Variants in DOC2A observed in about 807,000 individuals in gnomAD.
The protein encoded by DOC2A is double C2-like domain-containing protein alpha.
Under a neutral mutation model 40.6 loss-of-function variants are expected in DOC2A, and 28 were observed. That is an observed-to-expected ratio of 0.69 (90% CI 0.51 to 0.95). The LOEUF is 0.95. Among genes scored for constraint, DOC2A ranks in the 40% least tolerant of loss-of-function variants. The probability of loss-of-function intolerance (pLI) is 0.00; values close to 1 mark genes in which losing one functional copy is unlikely to be tolerated. For synonymous variants in DOC2A, 241 were observed against 236.9 expected (o/e 1.02, Z -0.16); for missense variants, 474 against 552.5 (o/e 0.86, Z 1.42).
At chr16:30,012,640 A>T (rs1314443009), upstream of DOC2A, 1 of 147,018 alleles carries the variant, frequency 6.8e-6, no homozygotes, top group Admixed American at 6.9e-5. Flanking sequence ...GGATCGCTTG[A>T]GTGAAGCCAG....
At chr16:30,018,162 C>T (rs769422205) in intron 1 of DOC2A, among the ~76,000 whole-genome samples, 19 of 147,968 alleles carry the variant, frequency 1.3e-4, no homozygotes, top group Non-Finnish European at 2.5e-4. Context: ...ATGATGCAGT[C>T]CCAGCTACTT....
intron 1 of DOC2A, among the ~76,000 whole-genome samples, chr16:30,017,471 A>G (rs1362017942): frequency 6.6e-6 from 1 of 152,206 alleles, no homozygotes; most frequent in African/African-American, 2.4e-5. Flanking sequence ...ATAAAAAAGA[A>G]TGAAATTATA....
Position 30,006,874 on chromosome 16 carries a change from C to A in DOC2A, c.789G>T (p.Ser263=). The A allele has an allele frequency of 1.2e-6, 2 of 1,613,526 alleles. No homozygotes were observed. Among genetic ancestry groups the A allele is most frequent in the African/African-American group, 1.3e-5 (1 of 75,018 alleles). Residue 263 remains serine (S), a synonymous_variant, in exon 8 of 11, where the codon TCG becomes TCT. Coordinates refer to ENST00000350119, the MANE Select transcript of DOC2A (RefSeq NM_003586.3). The surrounding 1 kb of genome is among the most constrained non-coding windows in gnomAD (Gnocchi z 6.2). ...GRILLSLSYS[S]RRRGLLVGIL... is the part of the protein sequence containing the mutation. The stretch of plus-strand genomic sequence containing the variant: ...TGCCTACCAGCAGTCCCCGGCGCCG[C>A]GAGCTGTAGCTGAGACTCAGCAGGA...
upstream of DOC2A, chr16:30,011,462 G>T (rs1596709562): frequency 8.3e-6 from 8 of 969,146 alleles, no homozygotes; most frequent in South Asian, 4.8e-5. Context: ...GCCCGCGCGC[G>T]CGGCCACGGC....
chr16:30,011,435 C>T, upstream of DOC2A: 1 of 984,992 alleles, frequency 1.0e-6, no homozygotes, highest in Non-Finnish European at 1.2e-6. Context: ...TCCTGGGAGA[C>T]CTGGCCCCCC....
upstream of DOC2A, chr16:30,011,456 G>A: frequency 1.0e-6 from 1 of 969,704 alleles, no homozygotes; most frequent in Non-Finnish European, 1.2e-6. Flanking sequence ...GCCCCCGCCC[G>A]CGCGCGCGGC....
At chr16:30,011,990 C>G (rs913230790), upstream of DOC2A, among the ~76,000 whole-genome samples, 1 of 152,100 alleles carries the variant, frequency 6.6e-6, no homozygotes, top group African/African-American at 2.4e-5. Flanking sequence ...CCCCAAGCCG[C>G]CCCCCTGCCC....
Position 30,006,683 on chromosome 16 carries a change from G to A in DOC2A, c.879-6C>T, listed in dbSNP as rs1369479625. On this transcript the variant is annotated splice_region_variant and splice_polypyrimidine_tract_variant and intron_variant, in intron 8 of 10. Transcript: ENST00000350119. This position sits in a 1 kb window ranked among gnomAD's most constrained non-coding sequence, Gnocchi z 6.2. ...CCACATCGGGCCTCAGGTACCTGGG[G>A]GTGGGGTGGAGGGAGACGAACTGAG... The A allele has an allele frequency of 6.2e-7, 1 of 1,613,788 alleles. No individual in the cohort carries two copies. Among genetic ancestry groups the A allele is most frequent in the South Asian group, 1.1e-5 (1 of 91,064 alleles).
At chr16:30,020,948 G>T (rs2070901907) in intron 1 of DOC2A, among the ~76,000 whole-genome samples, 1 of 152,016 alleles carries the variant, frequency 6.6e-6, no homozygotes, top group Admixed American at 6.6e-5. Flanking sequence ...CTTGAGCCCA[G>T]GAGGTCGAGG....
At chr16:30,011,037 G>A (rs1432546701), upstream of DOC2A, 8 of 986,042 alleles carry the variant, frequency 8.1e-6, no homozygotes, top group Admixed American at 6.2e-5. Context: ...CGGGGAGGAG[G>A]GGGTGAGCGA....
chr16:30,009,599 G>GGTGT lies in DOC2A; in HGVS notation c.263-46_263-43dup. On this transcript the variant is annotated intron_variant, in intron 2 of 10. Transcript: ENST00000350119. The surrounding 1 kb of genome is among the most constrained non-coding windows in gnomAD (Gnocchi z 4.1). ...GGCAGCATGGGTCGGTATGGAGACA[G>GGTGT]GTGTGTGCGAGAGGCCAGCAGGTGG... 1 of 1,523,372 alleles carries GGTGT rather than the reference G, an allele frequency of 6.6e-7. No homozygotes were observed. Among genetic ancestry groups the GGTGT allele is most frequent in the Non-Finnish European group, 8.9e-7 (1 of 1,124,630 alleles). The allele number at this position is 1,523,372 out of a possible 1,614,324, so 94.4% of individuals were successfully genotyped here. A position where few individuals can be genotyped will look rare whatever the true frequency, so the allele number is the denominator to read the frequency against.
upstream of DOC2A, chr16:30,011,092 G>C: frequency 1.1e-6 from 1 of 904,298 alleles, no homozygotes; most frequent in Non-Finnish European, 1.3e-6. Context: ...GGGACGGGGA[G>C]GGGCGCTGGG....
In DOC2A at chr16:30,010,209, C is replaced by T. The variant is rs764874832; in HGVS notation, c.14G>A (p.Arg5Lys). 6.2e-7 allele frequency: 1 copy of T among 1,613,794 alleles called. No individual in the cohort carries two copies. The highest frequency in any genetic ancestry group is 1.7e-5 in the Admixed American group (1 of 60,010). The part of the protein sequence containing the change: MRGR[R>K]GDRMTINIQE... ...GATGTTGATGGTCATGCGATCGCCC[C>T]TGCGGCCCCTCATGCAGCACCCCTG... Residue 5 changes from arginine to lysine, a missense_variant, in exon 2 of 11, where the codon AGG (arginine) becomes AAG (lysine). By Grantham distance (26) the Arg-to-Lys change is conservative. Transcript: ENST00000350119. The surrounding 1 kb of genome is among the most constrained non-coding windows in gnomAD (Gnocchi z 4.2).
chr16:30,005,907 C>T lies in DOC2A; in HGVS notation c.*279G>A, dbSNP rs549263710. The T allele has an allele frequency of 1.9e-5, 10 of 525,598 alleles. No individual in the cohort carries two copies. Among genetic ancestry groups the T allele is most frequent in the Admixed American group, 3.5e-5 (1 of 28,898 alleles). The allele number at this position is 525,598 out of a possible 1,614,324, so 32.6% of individuals were successfully genotyped here. ...AGCGTGGAGAGGCAGGAGTGAGGAG[C>T]GCGGGGGCCTGGGGCCGGGCTCTGA... On this transcript the variant is annotated 3_prime_UTR_variant, in exon 11 of 11. Coordinates refer to ENST00000350119, the MANE Select transcript of DOC2A (RefSeq NM_003586.3).
chr16:30,014,638 GA>G (rs201428004), upstream of DOC2A, among the ~76,000 whole-genome samples: 1 of 135,970 alleles, frequency 7.4e-6, no homozygotes, highest in Non-Finnish European at 1.6e-5. Flanking sequence ...CCATCTCAAA[GA>G]AAAAAAAAGC....
chr16:30,008,803 G>A (rs1428767191), intron 5 of DOC2A, 193 bp downstream of exon 5: 1 of 586,822 alleles, frequency 1.7e-6, no homozygotes, highest in Non-Finnish European at 3.1e-6. Context: ...ACCACACCTG[G>A]CAGGCAGGAG....
rs1325974210 is a variant in DOC2A, at chr16:30,010,595, C to A, written c.-14+308G>T. 1 of 340,014 alleles carries A rather than the reference C, an allele frequency of 2.9e-6. No homozygotes were observed. The highest frequency in any genetic ancestry group is 2.1e-5 in the African/African-American group (1 of 46,806). 21.1% of individuals were successfully genotyped at this position (340,014 alleles called of 1,614,324 possible). On this transcript the variant is annotated intron_variant, in intron 1 of 10. Coordinates refer to ENST00000350119, the MANE Select transcript of DOC2A (RefSeq NM_003586.3). This position sits in a 1 kb window ranked among gnomAD's most constrained non-coding sequence, Gnocchi z 4.2. ...CCCCAAGGGGCCCTGCAGGGCCCCG[C>A]CTCTGTTTCTCGGAGGCTCTGTCCT...
rs774939040 is a variant in DOC2A at position 30,006,769 on chromosome 16, CAG to C, written c.878+14_878+15del. 11 of 1,613,860 alleles carry C rather than the reference CAG, an allele frequency of 6.8e-6. No homozygotes were observed. Among genetic ancestry groups the C allele is most frequent in the Non-Finnish European group, 9.3e-6 (11 of 1,179,986 alleles). On this transcript the variant is annotated intron_variant, in intron 8 of 10. Coordinates refer to ENST00000350119, the MANE Select transcript of DOC2A (RefSeq NM_003586.3). This position sits in a 1 kb window ranked among gnomAD's most constrained non-coding sequence, Gnocchi z 6.2. ...GCAGGCTCCCTGGGGAGGAGAGGGT[CAG>C]AGCAAGGGCTCACGTCTTGACGTAG...
At chr16:30,012,728 T>C (rs545114783), upstream of DOC2A, 1 of 145,432 alleles carries the variant, frequency 6.9e-6, no homozygotes, top group Non-Finnish European at 1.5e-5. Context: ...TCAACAACAC[T>C]GAGGGGGCGG....
Sources: gnomAD v4.1 joint callset for allele counts (sites outside exome capture counted in the v4.1 genomes callset) on GRCh38, gnomAD v4.1.1 for gene constraint, Gnocchi (gnomAD v3.1) non-coding constraint, MANE v1.5 for transcripts, NCBI Gene and HGNC (gene_info 2026-07-23, HGNC 2026-07-21) for gene names.